SLIT3: variants seen among roughly 807,000 people sequenced by gnomAD.
SLIT3 encodes slit homolog 3 protein.
SLIT3 carries 68 observed loss-of-function variants against 184.0 expected under a neutral mutation model. The ratio of observed to expected loss-of-function variants is 0.37; its 90% confidence interval spans 0.30 to 0.45. SLIT3 has a LOEUF of 0.45. Ranked by LOEUF, SLIT3 falls within the 20% of genes least tolerant of loss-of-function variation. SLIT3 has a pLI of 1.00. For synonymous variants in SLIT3, 831 were observed against 828.6 expected, an observed-to-expected ratio of 1.00 and a Z score of -0.05; for missense variants, 1,707 against 2,026.0, an observed-to-expected ratio of 0.84 and a Z score of 3.02.
chr5:168,673,364 G>A, intron 32 of SLIT3, 33 bp from the exon 33 acceptor site: 1 of 1,609,224 alleles, frequency 6.2e-7, no homozygotes, highest in East Asian at 2.2e-5. Context: ...AAGCCGGAGA[G>A]TTCACTAAGG....
At chr5:168,748,475 A>T (rs770298929) in intron 19 of SLIT3, 41 bp from the exon 20 acceptor site, 19 of 1,498,516 alleles carry the variant, frequency 1.3e-5, no homozygotes, top group Non-Finnish European at 1.7e-5. Flanking sequence ...GTGGGAGATA[A>T]GCCCCACTAG....
rs143789570 is a variant in SLIT3, at chr5:169,002,079, C to G, written c.414-118743G>C. Among the ~76,000 whole-genome samples the G allele has an allele frequency of 1.0e-2, 1,516 of 151,698 alleles. 10 individuals are homozygous for G. Among genetic ancestry groups the G allele is most frequent in the Non-Finnish European group, 0.013 (909 of 67,902 alleles). The stretch of plus-strand genomic sequence containing the variant: ...CTGTAATCACAGCACTTTGAGAGGC[C>G]GAGGCAGGCAGATCACCTGAGGTCA... On this transcript the variant is annotated intron_variant, in intron 4 of 35. Coordinates refer to ENST00000519560, the MANE Select transcript of SLIT3 (RefSeq NM_003062.4).
intron 5 of SLIT3, among the ~76,000 whole-genome samples, chr5:168,852,255 G>T (rs1051051689): frequency 6.6e-6 from 1 of 152,212 alleles, no homozygotes; most frequent in Non-Finnish European, 1.5e-5. Context: ...TAACGGGCAT[G>T]AAAAGTTATC....
chr5:169,209,757 G>T (rs1764195926), intron 3 of SLIT3, among the ~76,000 whole-genome samples: 1 of 152,114 alleles, frequency 6.6e-6, no homozygotes, highest in Non-Finnish European at 1.5e-5. Context: ...GAGAACACAT[G>T]GACATAGCAA....
intron 12 of SLIT3, among the ~76,000 whole-genome samples, chr5:168,776,501 A>G (rs998932439): frequency 6.6e-6 from 1 of 152,174 alleles, no homozygotes; most frequent in Non-Finnish European, 1.5e-5. Flanking sequence ...AGGGGAGGAA[A>G]CTGAGGCTGA....
intron 10 of SLIT3, among the ~76,000 whole-genome samples, chr5:168,794,499 G>A (rs565416243): frequency 1.3e-5 from 2 of 152,302 alleles, no homozygotes; most frequent in South Asian, 4.1e-4. Flanking sequence ...GATGAGGGCG[G>A]TGATGCAATG....
intron 4 of SLIT3, among the ~76,000 whole-genome samples, chr5:168,945,382 C>A (rs1762442438): frequency 6.6e-6 from 1 of 152,088 alleles, no homozygotes; most frequent in Admixed American, 6.5e-5. Context: ...GGACTACAGG[C>A]ATGTGCCACC....
chr5:169,052,501 T>C (rs1757852206), intron 4 of SLIT3, among the ~76,000 whole-genome samples: 1 of 152,142 alleles, frequency 6.6e-6, no homozygotes, highest in African/African-American at 2.4e-5. Context: ...AGAGGTGGTT[T>C]TCCCCCTCAG....
chr5:168,775,482 A>G lies in SLIT3; in HGVS notation c.1152-1104T>C, dbSNP rs183328310. Among the ~76,000 whole-genome samples the G allele has an allele frequency of 1.8e-4, 27 of 150,742 alleles. 1 individual carries two copies. Among genetic ancestry groups the G allele is most frequent in the Admixed American group, 6.6e-4 (10 of 15,134 alleles). On this transcript the variant is annotated intron_variant, in intron 12 of 35. Transcript: ENST00000519560. ...CCGCTCCTCAGAGAGGCCGGCCCTG[A>G]CCCCCTCATCTACAATGGGACCCTC...
chr5:169,189,545 T>G (rs1221602139), intron 4 of SLIT3, among the ~76,000 whole-genome samples: 2 of 47,366 alleles, frequency 4.2e-5, no homozygotes, highest in Non-Finnish European at 8.3e-5. Flanking sequence ...TATATATATA[T>G]ATATATATAT....
At chr5:169,238,486 C>T (rs550343602) in intron 3 of SLIT3, among the ~76,000 whole-genome samples, 3 of 142,576 alleles carry the variant, frequency 2.1e-5, no homozygotes, top group Non-Finnish European at 3.0e-5. Context: ...CTTTTAACTG[C>T]TTATTTTTTA....
intron 33 of SLIT3, 88 bp from the exon 34 acceptor site, chr5:168,671,571 C>G: frequency 7.1e-7 from 1 of 1,411,264 alleles, no homozygotes; most frequent in Non-Finnish European, 9.6e-7. Context: ...TTCACACATT[C>G]ATGGCCAGAA....
At chr5:169,208,725 T>C (rs190382764) in intron 3 of SLIT3, among the ~76,000 whole-genome samples, 336 of 152,326 alleles carry the variant, frequency 2.2e-3, no homozygotes, top group Admixed American at 3.4e-3. Context: ...GAAAACTGGC[T>C]AGTCATATGC....
At chr5:168,897,650 A>G (rs201621444) in intron 4 of SLIT3, among the ~76,000 whole-genome samples, 53 of 105,212 alleles carry the variant, frequency 5.0e-4, no homozygotes, top group Middle Eastern at 5.2e-3. Flanking sequence ...GTGCACGTAC[A>G]CACACACACA....
chr5:169,116,887 G>A (rs150517401), intron 4 of SLIT3, among the ~76,000 whole-genome samples: 1 of 152,242 alleles, frequency 6.6e-6, no homozygotes, highest in Non-Finnish European at 1.5e-5. Flanking sequence ...GAAGCAAGGA[G>A]TAGCTGATTT....
chr5:168,709,392 G>C (rs556727306), intron 25 of SLIT3, among the ~76,000 whole-genome samples: 1 of 152,104 alleles, frequency 6.6e-6, no homozygotes, highest in Non-Finnish European at 1.5e-5. Flanking sequence ...CACCGTGCCC[G>C]GACCCTGGCT....
Position 168,867,069 on chromosome 5 carries a change from C to A in SLIT3, c.485+16196G>T, listed in dbSNP as rs185853212. On this transcript the variant is annotated intron_variant, in intron 5 of 35. Transcript: ENST00000519560. ...TCAGCTGTGGAGTGGTTTAAACATG[C>A]AGATTCCTGGGCCTTGACCAGAAAT... Among the ~76,000 whole-genome samples the A allele has an allele frequency of 2.0e-5, 3 of 152,256 alleles. 1 individual carries two copies. Among genetic ancestry groups the A allele is most frequent in the Non-Finnish European group, 4.4e-5 (3 of 68,032 alleles).
intron 4 of SLIT3, among the ~76,000 whole-genome samples, chr5:168,918,298 C>T (rs1273810913): frequency 1.3e-5 from 2 of 152,176 alleles, no homozygotes; most frequent in African/African-American, 4.8e-5. Context: ...TGTGGAGAGA[C>T]TCATAGCAGG....
At chr5:169,092,984 T>G (rs543487482) in intron 4 of SLIT3, among the ~76,000 whole-genome samples, 122 of 152,334 alleles carry the variant, frequency 8.0e-4, no homozygotes, top group African/African-American at 2.9e-3. Context: ...CTTGCTGTGT[T>G]TTATCCAGGG....
Sources: gnomAD v4.1 joint callset for allele counts (sites outside exome capture counted in the v4.1 genomes callset) on GRCh38, gnomAD v4.1.1 for gene constraint, MANE v1.5 for transcripts, NCBI Gene and HGNC (gene_info 2026-07-23, HGNC 2026-07-21) for gene names.